The following GLI2 variants were observed in gnomAD, a reference collection of about 807,000 sequenced individuals.
The protein encoded by GLI2 is GLI family zinc finger 2.
In GLI2, 22 loss-of-function variants were observed where a neutral mutation model predicts 78.9. The ratio of observed to expected loss-of-function variants is 0.28; its 90% CI spans 0.20 to 0.40. GLI2 has a LOEUF of 0.40. Ranked by LOEUF, GLI2 falls within the 10% of genes least tolerant of loss-of-function variation. The pLI, the probability that GLI2 is intolerant of heterozygous loss-of-function variation, is 1.00. For missense variants in GLI2, 2,097 were observed against 2,213.2 expected (o/e 0.95, Z 1.05); for synonymous variants, 974 against 963.7 (o/e 1.01, Z -0.20).
chr2:120,796,867 G>A (rs985199048), intron 1 of GLI2, among the ~76,000 whole-genome samples: 2 of 152,202 alleles, frequency 1.3e-5, no homozygotes, highest in African/African-American at 2.4e-5. Context: ...ATAAGTGAAA[G>A]GTTCTGGTGA....
At chr2:120,892,132 C>T (rs1372033056) in intron 2 of GLI2, among the ~76,000 whole-genome samples, 1 of 152,230 alleles carries the variant, frequency 6.6e-6, no homozygotes, top group East Asian at 1.9e-4. Context: ...CCCCATCCAC[C>T]TCTCTCCCCC....
chr2:120,769,208 A>T (rs1209897957), intron 1 of GLI2, among the ~76,000 whole-genome samples: 1 of 152,218 alleles, frequency 6.6e-6, no homozygotes, highest in Non-Finnish European at 1.5e-5. Context: ...TCCCGCCGCC[A>T]GTGTTGACTG....
chr2:120,895,820 C>A (rs1214973371), intron 2 of GLI2, among the ~76,000 whole-genome samples: 2 of 152,244 alleles, frequency 1.3e-5, no homozygotes, highest in African/African-American at 4.8e-5. Context: ...GGTCTCCCCT[C>A]GTCTTGTAAT....
chr2:120,953,984 G>A (rs770785375), intron 4 of GLI2, among the ~76,000 whole-genome samples: 14 of 152,124 alleles, frequency 9.2e-5, no homozygotes, highest in Non-Finnish European at 1.5e-4. Context: ...GAACACCCAC[G>A]TACCCGCTTA....
At chr2:120,915,001 G>A (rs913130472) in intron 2 of GLI2, among the ~76,000 whole-genome samples, 3 of 152,146 alleles carry the variant, frequency 2.0e-5, no homozygotes, top group Admixed American at 6.5e-5. Context: ...GCTCCCGAGC[G>A]GCCAGACCCA....
rs989662875 is a variant in GLI2, at chr2:120,737,227, T to C, written c.-31+942T>C. ...CTGGGAGGGAGCGTGTGCTTGCGTG[T>C]GTGAGTGTGAGCGCGCCCGCCGCGC... On this transcript the variant is annotated intron_variant, in intron 1 of 13. Coordinates refer to ENST00000361492, the MANE Select transcript of GLI2 (RefSeq NM_001374353.1). This position sits in a 1 kb window ranked among gnomAD's most constrained non-coding sequence, Gnocchi z 4.3. 1.2e-4 allele frequency among the ~76,000 whole-genome samples: 18 copies of C among 151,890 alleles called. No individual in the cohort carries two copies. Among genetic ancestry groups the C allele is most frequent in the Non-Finnish European group, 2.2e-4 (15 of 67,922 alleles).
Position 120,934,679 on chromosome 2 carries a change from A to G in GLI2, c.254+7213A>G, listed in dbSNP as rs551481493. The stretch of plus-strand genomic sequence containing the variant: ...CTGCATGCTTGGTCACGCAAAATGC[A>G]TATTACCCAGGGCCTCCGGAGACAG... On this transcript the variant is annotated intron_variant, in intron 3 of 13. Transcript: ENST00000361492. 3.8e-4 allele frequency among the ~76,000 whole-genome samples: 58 copies of G among 152,290 alleles called. 1 individual carries two copies. The highest frequency in any genetic ancestry group is 1.3e-3 in the Admixed American group (20 of 15,298).
At chr2:120,814,862 G>A (rs915431246) in intron 2 of GLI2, among the ~76,000 whole-genome samples, 1 of 140,380 alleles carries the variant, frequency 7.1e-6, no homozygotes, top group African/African-American at 2.7e-5. Flanking sequence ...AAAAAGCTTC[G>A]GGACCATTGG....
chr2:120,741,912 G>A lies in GLI2; in HGVS notation c.-31+5627G>A, dbSNP rs1573545428. On this transcript the variant is annotated intron_variant, in intron 1 of 13. Coordinates refer to ENST00000361492, the MANE Select transcript of GLI2 (RefSeq NM_001374353.1). ...AGTCGGGAAGAAAGCCAACGGGCCAGGTCCCCACAGCCGCGCCCGGAGCGC... is the reference window on the plus strand; with the variant it reads ...AGTCGGGAAGAAAGCCAACGGGCCAAGTCCCCACAGCCGCGCCCGGAGCGC... Among the ~76,000 whole-genome samples, 6 of 152,324 alleles carry A rather than the reference G, an allele frequency of 3.9e-5. No individual in the cohort carries two copies. In the East Asian group the frequency reaches 1.2e-3, roughly 29 times the overall value.
At chr2:120,915,553 G>A (rs1201980405) in intron 2 of GLI2, among the ~76,000 whole-genome samples, 1 of 152,132 alleles carries the variant, frequency 6.6e-6, no homozygotes, top group African/African-American at 2.4e-5. Flanking sequence ...ATTTGCATAA[G>A]GCCCTGGGGA....
At chr2:120,949,782 AG>A (rs1342748694) in intron 3 of GLI2, among the ~76,000 whole-genome samples, 2 of 152,192 alleles carry the variant, frequency 1.3e-5, no homozygotes, top group African/African-American at 2.4e-5. Flanking sequence ...GCGGCCTCCC[AG>A]GGGGGTGTTT....
intron 3 of GLI2, among the ~76,000 whole-genome samples, chr2:120,946,524 C>G (rs1175113490): frequency 7.9e-5 from 12 of 152,198 alleles, no homozygotes; most frequent in African/African-American, 2.9e-4. Context: ...CTCTTTGAGT[C>G]TCTGCCTAGC....
intron 2 of GLI2, among the ~76,000 whole-genome samples, chr2:120,808,097 G>A (rs993249154): frequency 6.6e-6 from 1 of 152,180 alleles, no homozygotes; most frequent in Non-Finnish European, 1.5e-5. Context: ...GGCCTCATCC[G>A]CCGTCTGACT....
chr2:120,806,667 C>A (rs73949906), intron 2 of GLI2, among the ~76,000 whole-genome samples: 1 of 152,118 alleles, frequency 6.6e-6, no homozygotes, highest in Non-Finnish European at 1.5e-5. Context: ...TGTTGCCCTG[C>A]GGGGAGGCGC....
chr2:120,812,900 A>G (rs2310893), intron 2 of GLI2, among the ~76,000 whole-genome samples: 64,022 of 152,040 alleles, frequency 0.42, 14,298 homozygotes, highest in South Asian at 0.52. Flanking sequence ...AGTGAGGGCG[A>G]GAGTCTTCTC....
intron 1 of GLI2, among the ~76,000 whole-genome samples, chr2:120,768,856 G>A (rs1176379408): frequency 2.0e-5 from 3 of 151,394 alleles, no homozygotes; most frequent in East Asian, 1.9e-4. Context: ...GCCCCACTCC[G>A]CCCCACCAGA....
chr2:120,931,568 G>A (rs529006803), intron 3 of GLI2, among the ~76,000 whole-genome samples: 16 of 152,316 alleles, frequency 1.1e-4, no homozygotes, highest in African/African-American at 3.8e-4. Flanking sequence ...CCAGTGTGGA[G>A]TCTGGCATCA....
chr2:120,929,872 G>T (rs1161915986), intron 3 of GLI2, among the ~76,000 whole-genome samples: 1 of 152,200 alleles, frequency 6.6e-6, no homozygotes, highest in East Asian at 1.9e-4. Flanking sequence ...CCTCTGGAAG[G>T]TGCATGTGTT....
chr2:120,814,799 C>T lies in GLI2; in HGVS notation c.148+17331C>T, dbSNP rs559008092. Among the ~76,000 whole-genome samples, 125 of 143,752 alleles carry T rather than the reference C, an allele frequency of 8.7e-4. 1 individual carries two copies. The highest frequency in any genetic ancestry group is 2.8e-3 in the African/African-American group (111 of 39,456). 94.3% of individuals were successfully genotyped at this position (143,752 alleles called of 152,430 possible). A position where few individuals can be genotyped will look rare whatever the true frequency, so the allele number is the denominator to read the frequency against. On this transcript the variant is annotated intron_variant, in intron 2 of 13. Coordinates refer to ENST00000361492, the MANE Select transcript of GLI2 (RefSeq NM_001374353.1). ...CCCCGCCCGCCCCACCCCCCGCCCC[C>T]GCTGCATTGGTCCCTGGAAAAATTG...
Sources: allele counts gnomAD v4.1 joint callset (sites outside exome capture counted in the v4.1 genomes callset), GRCh38; gene constraint gnomAD v4.1.1; non-coding constraint Gnocchi (gnomAD v3.1); transcripts MANE v1.5; gene names NCBI Gene and HGNC (gene_info 2026-07-23, HGNC 2026-07-21).